Variants in SOX5 observed in about 807,000 individuals in gnomAD.
The protein encoded by SOX5 is transcription factor SOX-5.
In SOX5, 9 loss-of-function variants were observed where a neutral mutation model predicts 92.0. That is an observed-to-expected ratio of 0.10 (90% CI 0.06 to 0.17). The LOEUF is 0.17. Among genes scored for constraint, SOX5 ranks in the 10% least tolerant of loss-of-function variants. The pLI, the probability that SOX5 is intolerant of heterozygous loss-of-function variation, is 1.00. For synonymous variants in SOX5, 344 were observed against 336.3 expected (o/e 1.02, Z -0.25); for missense variants, 642 against 944.5 (o/e 0.68, Z 4.20).
chr12:23,802,222 C>A (rs1267687941), intron 3 of SOX5, among the ~76,000 whole-genome samples: 3 of 151,986 alleles, frequency 2.0e-5, no homozygotes, highest in East Asian at 3.9e-4. Flanking sequence ...TACAGGCACC[C>A]ACCACCATGT....
At chr12:24,031,777 T>C (rs1195532618) in intron 4 of SOX5, among the ~76,000 whole-genome samples, 3 of 151,904 alleles carry the variant, frequency 2.0e-5, no homozygotes, top group African/African-American at 7.2e-5. Context: ...TCAGAGTAAC[T>C]TAGCAATTGA....
At chr12:24,400,646 T>C (rs1018764741) in intron 1 of SOX5, among the ~76,000 whole-genome samples, 2 of 152,198 alleles carry the variant, frequency 1.3e-5, no homozygotes, top group Admixed American at 1.3e-4. Flanking sequence ...CGAGTCTCCT[T>C]ATCTAAATAG....
intron 4 of SOX5, among the ~76,000 whole-genome samples, chr12:24,199,584 T>C (rs1395109563): frequency 6.6e-6 from 1 of 152,180 alleles, no homozygotes; most frequent in Non-Finnish European, 1.5e-5. Context: ...CAGCAGATTG[T>C]GCTGGGTAGA....
intron 1 of SOX5, among the ~76,000 whole-genome samples, chr12:24,547,681 C>T (rs1952777896): frequency 6.6e-6 from 1 of 152,194 alleles, no homozygotes; most frequent in South Asian, 2.1e-4. Context: ...ATAAAATACT[C>T]AGCTCAGGCA....
At chr12:24,004,250 A>G (rs1408819649) in intron 4 of SOX5, among the ~76,000 whole-genome samples, 1 of 151,920 alleles carries the variant, frequency 6.6e-6, no homozygotes, top group African/African-American at 2.4e-5. Flanking sequence ...CATGACACAC[A>G]CGCACATAAA....
At position 24,143,811 on chromosome 12, in the gene SOX5, G is replaced by A. The variant is rs538429306; in HGVS notation, c.-2+69532C>T. Among the ~76,000 whole-genome samples, 263 of 151,152 alleles carry A rather than the reference G, an allele frequency of 1.7e-3. 2 individuals carry two copies. Among genetic ancestry groups the A allele is most frequent in the African/African-American group, 6.1e-3 (250 of 41,146 alleles). ...AGGTAATAAGAGAATGGATGGAGAA[G>A]AAAAGAAGAAGAAAGAAAGAGGAGG... On this transcript the variant is annotated intron_variant, in intron 4 of 4. Transcript: ENST00000446891.
At chr12:24,124,412 A>C (rs940133254) in intron 4 of SOX5, among the ~76,000 whole-genome samples, 1 of 152,186 alleles carries the variant, frequency 6.6e-6, no homozygotes, top group African/African-American at 2.4e-5. Flanking sequence ...AGTTCACACA[A>C]GAGGGTGAAA....
chr12:24,008,397 A>G (rs1285178417), intron 4 of SOX5, among the ~76,000 whole-genome samples: 9 of 152,142 alleles, frequency 5.9e-5, no homozygotes, highest in Non-Finnish European at 4.4e-5. Flanking sequence ...ACTCAAGAAG[A>G]CTTTGACACA....
intron 1 of SOX5, among the ~76,000 whole-genome samples, chr12:24,496,720 T>G (rs1008249869): frequency 1.3e-5 from 2 of 152,212 alleles, no homozygotes; most frequent in African/African-American, 4.8e-5. Context: ...TACCGTGTTT[T>G]CCAATCCAAG....
chr12:24,332,270 A>G, intron 2 of SOX5, among the ~76,000 whole-genome samples: 1 of 152,226 alleles, frequency 6.6e-6, no homozygotes, highest in East Asian at 1.9e-4. Flanking sequence ...CCTAGGATCT[A>G]ATTTCAGCAA....
At chr12:23,916,041 A>T (rs958741962) in intron 1 of SOX5, among the ~76,000 whole-genome samples, 2 of 152,178 alleles carry the variant, frequency 1.3e-5, no homozygotes, top group Non-Finnish European at 1.5e-5. Context: ...GGTTAAACCC[A>T]AAAAGGATGA....
chr12:23,586,643 CTTT>C (rs112567903), intron 9 of SOX5, among the ~76,000 whole-genome samples: 1 of 145,188 alleles, frequency 6.9e-6, no homozygotes, highest in Non-Finnish European at 1.5e-5. Flanking sequence ...CCTTAGACCA[CTTT>C]TTTTTTTTTC....
intron 6 of SOX5, among the ~76,000 whole-genome samples, chr12:23,688,629 C>A (rs546051156): frequency 6.6e-6 from 1 of 152,046 alleles, no homozygotes; most frequent in Non-Finnish European, 1.5e-5. Context: ...AATAGTTTAG[C>A]AAATTATCAG....
At chr12:24,444,146 G>A (rs374432293) in intron 1 of SOX5, among the ~76,000 whole-genome samples, 1 of 152,208 alleles carries the variant, frequency 6.6e-6, no homozygotes, top group African/African-American at 2.4e-5. Flanking sequence ...ATTTCAAAGG[G>A]AGGGACGGGG....
At chr12:24,547,376 A>G (rs1455237542) in intron 1 of SOX5, among the ~76,000 whole-genome samples, 2 of 150,974 alleles carry the variant, frequency 1.3e-5, no homozygotes, top group African/African-American at 4.9e-5. Flanking sequence ...TATTTTTAGT[A>G]GAGACGGGGT....
rs537382995 is a variant in SOX5 at position 24,285,075 on chromosome 12, G to A, written c.-173-7763C>T. 2.0e-5 allele frequency among the ~76,000 whole-genome samples: 3 copies of A among 152,282 alleles called. No individual in the cohort carries two copies. In the South Asian group the frequency reaches 6.2e-4, roughly 32 times the overall value. On this transcript the variant is annotated intron_variant, in intron 2 of 4. Transcript: ENST00000446891. ...TTGAACCCGGGAGGTGGAGGTGGCA[G>A]TGAATGGAGATCAAGCCTTTGGACT...
Position 23,667,159 on chromosome 12 carries a change from A to G in SOX5, c.811-1595T>C, listed in dbSNP as rs566914471. 3.3e-5 allele frequency among the ~76,000 whole-genome samples: 5 copies of G among 152,122 alleles called. No individual in the cohort carries two copies. The South Asian group carries it at 6.2e-4, about 19-fold the overall frequency. Reference sequence around the variant, plus strand: ...GCAGAGAGAGGGAGAGAGAAAAGCAATATGTGAATGGTAGATCTGTTTTCA... The same window carrying G: ...GCAGAGAGAGGGAGAGAGAAAAGCAGTATGTGAATGGTAGATCTGTTTTCA... On this transcript the variant is annotated intron_variant, in intron 6 of 14. Transcript: ENST00000451604.
At chr12:24,482,345 A>G (rs80285438) in intron 1 of SOX5, among the ~76,000 whole-genome samples, 2,259 of 152,338 alleles carry the variant, frequency 0.015, 23 homozygotes, top group Middle Eastern at 0.034. Context: ...GAATGGGGAA[A>G]TCAGGACATC....
intron 3 of SOX5, among the ~76,000 whole-genome samples, chr12:24,268,466 A>T (rs966691476): frequency 6.6e-6 from 1 of 152,210 alleles, no homozygotes; most frequent in African/African-American, 2.4e-5. Flanking sequence ...GTACAATAAG[A>T]AACAATTTAC....
Sources: gnomAD v4.1 joint callset for allele counts (sites outside exome capture counted in the v4.1 genomes callset) on GRCh38, gnomAD v4.1.1 for gene constraint, MANE v1.5 for transcripts, NCBI Gene and HGNC (gene_info 2026-07-23, HGNC 2026-07-21) for gene names.